Variants in PTPRG observed in about 807,000 individuals in gnomAD.
PTPRG encodes the protein receptor-type tyrosine-protein phosphatase gamma.
In PTPRG, 102 loss-of-function variants were observed where a neutral mutation model predicts 165.3. The observed-to-expected ratio is 0.62, with a 90% confidence interval of 0.53 to 0.73. The LOEUF is 0.73. PTPRG is among the 30% of genes least tolerant of loss of function. PTPRG has a pLI of 0.00. For synonymous variants in PTPRG, 675 were observed against 669.5 expected (o/e 1.01, Z -0.13); for missense variants, 1,866 against 1,861.4 (o/e 1.00, Z -0.05).
chr3:62,209,904 A>G (rs925621213), intron 12 of PTPRG, among the ~76,000 whole-genome samples: 24 of 152,212 alleles, frequency 1.6e-4, no homozygotes, highest in Non-Finnish European at 2.9e-5. Context: ...AGCAGGTGGC[A>G]TATTTGGTAT....
Position 62,271,682 on chromosome 3 carries a change from T to A in PTPRG, c.3182+127T>A. 1.2e-6 allele frequency: 1 copy of A among 802,674 alleles called. No individual in the cohort carries two copies. The highest frequency in any genetic ancestry group is 1.9e-6 in the Non-Finnish European group (1 of 525,482). The allele number at this position is 802,674 out of a possible 1,614,324, so 49.7% of individuals were successfully genotyped here. On this transcript the variant is annotated intron_variant, in intron 21 of 29. Coordinates refer to ENST00000474889, the MANE Select transcript of PTPRG (RefSeq NM_002841.4). This position sits in a 1 kb window ranked among gnomAD's most constrained non-coding sequence, Gnocchi z 4.1. ...ATCTTCCACTGGAAACTGGGATGGA[T>A]AAGACCTATGATAGTCTTAAAGAGG... is the stretch of plus-strand genomic sequence containing the variant.
intron 2 of PTPRG, among the ~76,000 whole-genome samples, chr3:61,778,172 G>A (rs916444113): frequency 6.6e-6 from 1 of 152,160 alleles, no homozygotes; most frequent in African/African-American, 2.4e-5. Context: ...GAAAAGTGAG[G>A]AAAAGAACGA....
rs917969764 is a variant in PTPRG, at chr3:62,293,590, T to G, written c.*283T>G. Reference sequence around the variant, plus strand: ...ACAACAGCAAACCCTGATGTGACATTCCATGACGACATACATGCTACTTTT... The same window carrying G: ...ACAACAGCAAACCCTGATGTGACATGCCATGACGACATACATGCTACTTTT... On this transcript the variant is annotated 3_prime_UTR_variant, in exon 30 of 30. Transcript: ENST00000474889. 11 of 250,766 alleles carry G rather than the reference T, an allele frequency of 4.4e-5. No homozygotes were observed. The East Asian group carries it at 8.0e-4, about 18-fold the overall frequency. The allele number at this position is 250,766 out of a possible 1,614,324, so 15.5% of individuals were successfully genotyped here.
intron 2 of PTPRG, among the ~76,000 whole-genome samples, chr3:61,824,433 C>T (rs1327771975): frequency 6.6e-6 from 1 of 152,206 alleles, no homozygotes; most frequent in Non-Finnish European, 1.5e-5. Flanking sequence ...GGAAGAAAAA[C>T]AAACTTTACA....
At chr3:62,108,647 T>A (rs552394309) in intron 5 of PTPRG, among the ~76,000 whole-genome samples, 1 of 152,322 alleles carries the variant, frequency 6.6e-6, no homozygotes, top group South Asian at 2.1e-4. Context: ...TTGAACTAAT[T>A]TACACTCCCT....
chr3:62,032,374 G>T (rs9869456), intron 4 of PTPRG, among the ~76,000 whole-genome samples: 36,485 of 152,128 alleles, frequency 0.24, 4,728 homozygotes, highest in Middle Eastern at 0.38. Context: ...AGTCAATATG[G>T]ATTTGAGTAA....
intron 1 of PTPRG, among the ~76,000 whole-genome samples, chr3:61,673,149 G>T (rs988521203): frequency 6.6e-6 from 1 of 152,018 alleles, no homozygotes; most frequent in Non-Finnish European, 1.5e-5. Flanking sequence ...GCAACAGAGC[G>T]ATACTCTGTC....
intron 1 of PTPRG, among the ~76,000 whole-genome samples, chr3:61,584,425 C>T (rs914548482): frequency 3.3e-5 from 5 of 152,120 alleles, no homozygotes; most frequent in Admixed American, 2.6e-4. Flanking sequence ...TCTCTCTTAT[C>T]GTATCTTGTC....
At chr3:62,232,715 G>T (rs1421333518) in intron 14 of PTPRG, among the ~76,000 whole-genome samples, 1 of 152,208 alleles carries the variant, frequency 6.6e-6, no homozygotes, top group Non-Finnish European at 1.5e-5. Context: ...GATCCTAACA[G>T]AGATGCCCCA....
At chr3:62,201,438 T>C in intron 10 of PTPRG, 67 bp from the exon 11 acceptor site, 1 of 1,233,932 alleles carries the variant, frequency 8.1e-7, no homozygotes, top group Non-Finnish European at 1.2e-6. Flanking sequence ...TTTGTGTTCA[T>C]AAGGAATATC....
intron 1 of PTPRG, among the ~76,000 whole-genome samples, chr3:61,580,052 A>G (rs1700252226): frequency 1.3e-5 from 2 of 152,226 alleles, no homozygotes; most frequent in Admixed American, 6.5e-5. Flanking sequence ...CATAAGATGC[A>G]TGTAGATACT....
At chr3:61,568,422 A>G (rs1170875227) in intron 1 of PTPRG, among the ~76,000 whole-genome samples, 1 of 152,218 alleles carries the variant, frequency 6.6e-6, no homozygotes, top group African/African-American at 2.4e-5. Context: ...TGCTTTAAGT[A>G]GCTAGAGGGC....
chr3:61,749,336 G>T (rs889018183), intron 2 of PTPRG: 2 of 370,774 alleles, frequency 5.4e-6, no homozygotes, highest in Non-Finnish European at 1.0e-5. Context: ...GGCTAGTCTT[G>T]AGCTGCTAAA....
intron 2 of PTPRG, among the ~76,000 whole-genome samples, chr3:61,806,365 C>T (rs2035417526): frequency 6.6e-6 from 1 of 152,166 alleles, no homozygotes; most frequent in African/African-American, 2.4e-5. Context: ...GGTAAAGCCT[C>T]CCTGGAATGA....
intron 4 of PTPRG, among the ~76,000 whole-genome samples, chr3:62,012,554 A>T (rs1232452037): frequency 6.6e-6 from 1 of 152,162 alleles, no homozygotes; most frequent in Non-Finnish European, 1.5e-5. Flanking sequence ...GAATTCATTT[A>T]TGTTTCATAT....
At chr3:61,568,414 C>T (rs1300596572) in intron 1 of PTPRG, among the ~76,000 whole-genome samples, 1 of 152,120 alleles carries the variant, frequency 6.6e-6, no homozygotes, top group African/African-American at 2.4e-5. Flanking sequence ...TGCAAGATTG[C>T]TTTAAGTAGC....
chr3:61,654,987 A>G (rs896731602), intron 1 of PTPRG, among the ~76,000 whole-genome samples: 3 of 151,230 alleles, frequency 2.0e-5, no homozygotes, highest in African/African-American at 4.9e-5. Flanking sequence ...GGGTTTCACC[A>G]TGTTGGCCAG....
chr3:61,928,224 CCTT>C (rs764901484), intron 2 of PTPRG, among the ~76,000 whole-genome samples: 34 of 152,290 alleles, frequency 2.2e-4, no homozygotes, highest in Middle Eastern at 3.4e-3. Context: ...GTTTCTTTCT[CCTT>C]CTTATGAGTT....
At chr3:62,163,417 C>T (rs1704845369) in intron 7 of PTPRG, among the ~76,000 whole-genome samples, 1 of 151,920 alleles carries the variant, frequency 6.6e-6, no homozygotes, top group South Asian at 2.1e-4. Context: ...ATGTAATAGG[C>T]ACTCAGCAAA....
Sources: gnomAD v4.1 joint callset for allele counts (sites outside exome capture counted in the v4.1 genomes callset) on GRCh38, gnomAD v4.1.1 for gene constraint, Gnocchi (gnomAD v3.1) non-coding constraint, MANE v1.5 for transcripts, NCBI Gene and HGNC (gene_info 2026-07-23, HGNC 2026-07-21) for gene names.